Variants in FRAS1 observed in about 807,000 individuals in gnomAD.
FRAS1 encodes extracellular matrix organizing protein FRAS1.
In FRAS1, 290 loss-of-function variants were observed where a neutral mutation model predicts 435.2. The ratio of observed to expected loss-of-function variants is 0.67; its 90% CI spans 0.61 to 0.73. The LOEUF (loss-of-function observed/expected upper bound fraction) is 0.73. Ranked by LOEUF, FRAS1 falls within the 30% of genes least tolerant of loss-of-function variation. FRAS1 has a pLI of 0.00. For missense variants in FRAS1, 4,860 were observed against 5,001.5 expected (o/e 0.97, Z 0.85); for synonymous variants, 1,800 against 1,851.0 (o/e 0.97, Z 0.71).
chr4:78,082,615 A>T (rs1740947061), intron 2 of FRAS1, among the ~76,000 whole-genome samples: 1 of 152,042 alleles, frequency 6.6e-6, no homozygotes, highest in Non-Finnish European at 1.5e-5. Context: ...AGGAGACAGG[A>T]TTCAGCATCA....
At chr4:78,133,196 G>A (rs991629278) in intron 2 of FRAS1, among the ~76,000 whole-genome samples, 1 of 152,184 alleles carries the variant, frequency 6.6e-6, no homozygotes, top group African/African-American at 2.4e-5. Context: ...CCATAAGAAT[G>A]AGATTCGGTC....
Position 78,500,135 on chromosome 4 carries a change from T to C in FRAS1, c.9316+214T>C, listed in dbSNP as rs557391420. Among the ~76,000 whole-genome samples, 340 of 152,338 alleles carry C rather than the reference T, an allele frequency of 2.2e-3. 2 individuals are homozygous for C. Among genetic ancestry groups the C allele is most frequent in the African/African-American group, 7.9e-3 (327 of 41,584 alleles). ...GAAATAGGTCTCTTACTTTAGACCA[T>C]GCTGGGCATTTTGGTTCATTTAAAA... On this transcript the variant is annotated intron_variant, in intron 61 of 73. Transcript: ENST00000512123.
intron 1 of FRAS1, among the ~76,000 whole-genome samples, chr4:78,058,471 A>ACTT (rs907404448): frequency 1.3e-5 from 2 of 152,042 alleles, no homozygotes. Context: ...GTTTAAAAAT[A>ACTT]CTTCTGTTCC....
chr4:78,456,038 G>A (rs948945727), intron 47 of FRAS1, among the ~76,000 whole-genome samples: 18 of 151,926 alleles, frequency 1.2e-4, no homozygotes, highest in African/African-American at 4.4e-4. Context: ...GGCGAATGCA[G>A]CAGCTGTGGT....
In FRAS1 at chr4:78,481,866, T is replaced by A. The variant is rs760316842; in HGVS notation, c.8506T>A (p.Cys2836Ser). 1.2e-6 allele frequency: 2 copies of A among 1,613,944 alleles called. No individual in the cohort carries two copies. The highest frequency in any genetic ancestry group is 3.3e-5 in the Admixed American group (2 of 60,020). Residue 2836 changes from cysteine to serine, a missense_variant, in exon 57 of 74, where the codon TGT becomes AGT. Coordinates refer to ENST00000512123, the MANE Select transcript of FRAS1 (RefSeq NM_025074.7). Reference protein sequence around the residue: ...TDLSTFASVWCATRPSDPASA... With the variant: ...TDLSTFASVWSATRPSDPASA... ...CCTCTCTACTTTCGCATCTGTCTGG[T>A]GTGCAACGCGGCCCTCAGACCCAGC...
intron 2 of FRAS1, among the ~76,000 whole-genome samples, chr4:78,091,571 A>G (rs577560540): frequency 5.3e-4 from 81 of 152,122 alleles, no homozygotes; most frequent in African/African-American, 1.9e-3. Context: ...GATTTTCAAA[A>G]GGGCATTGCT....
intron 29 of FRAS1, among the ~76,000 whole-genome samples, chr4:78,390,483 A>G (rs1167669725): frequency 6.6e-6 from 1 of 152,210 alleles, no homozygotes; most frequent in East Asian, 1.9e-4. Flanking sequence ...TTTAACCATG[A>G]GACTCTTTTC....
intron 28 of FRAS1, among the ~76,000 whole-genome samples, chr4:78,386,611 T>C (rs1732226612): frequency 6.6e-6 from 1 of 152,146 alleles, no homozygotes; most frequent in Non-Finnish European, 1.5e-5. Context: ...CCACTTCAAA[T>C]GATATTTTTT....
At chr4:78,466,571 A>T in intron 50 of FRAS1, 136 bp downstream of exon 50, 1 of 650,206 alleles carries the variant, frequency 1.5e-6, no homozygotes. Flanking sequence ...GGCAAATTAC[A>T]TTTCTAAGCC....
At chr4:78,407,558 C>T (rs1467887309) in intron 30 of FRAS1, 105 bp from the exon 31 acceptor site, 26 of 832,018 alleles carry the variant, frequency 3.1e-5, no homozygotes, top group Non-Finnish European at 4.6e-5. Context: ...TAAAGAAGTA[C>T]ATCATTTCTT....
chr4:78,284,229 ATTTTTTTTTTT>A (rs11453256), intron 12 of FRAS1, among the ~76,000 whole-genome samples, 165 bp from the exon 13 acceptor site: 1 of 80,820 alleles, frequency 1.2e-5, no homozygotes, highest in Non-Finnish European at 2.4e-5. Context: ...ATTGGAATGT[ATTTTTTTTTTT>A]TTTTTTTTTT....
intron 59 of FRAS1, among the ~76,000 whole-genome samples, chr4:78,489,981 A>AAAAAG (rs1227752028): frequency 2.0e-5 from 3 of 150,924 alleles, no homozygotes; most frequent in African/African-American, 4.8e-5. Flanking sequence ...AAAAAAAAAA[A>AAAAAG]AAAAAAGAAA....
At chr4:78,396,266 C>G (rs1732658825) in intron 29 of FRAS1, among the ~76,000 whole-genome samples, 1 of 152,192 alleles carries the variant, frequency 6.6e-6, no homozygotes, top group Non-Finnish European at 1.5e-5. Context: ...TTAAAACTGA[C>G]TTACATATCA....
At chr4:78,138,743 A>C (rs990600681) in intron 2 of FRAS1, among the ~76,000 whole-genome samples, 1 of 152,198 alleles carries the variant, frequency 6.6e-6, no homozygotes, top group Non-Finnish European at 1.5e-5. Context: ...ACATGAATGC[A>C]TATGAGATAA....
In FRAS1 at chr4:78,192,331, G is replaced by C. The variant is rs545236049; in HGVS notation, c.109-45179G>C. On this transcript the variant is annotated intron_variant, in intron 2 of 73. Transcript: ENST00000512123. The stretch of plus-strand genomic sequence containing the variant: ...AGGGAGGATTCCCCCTTTTTCTATT[G>C]ATAGGAATAGTTTCAGAAGGAATGG... 4.6e-5 allele frequency among the ~76,000 whole-genome samples: 7 copies of C among 152,246 alleles called. No individual in the cohort carries two copies. In the East Asian group the frequency reaches 1.4e-3, roughly 29 times the overall value.
At chr4:78,104,009 G>A (rs1302490413) in intron 2 of FRAS1, among the ~76,000 whole-genome samples, 3 of 152,162 alleles carry the variant, frequency 2.0e-5, no homozygotes, top group East Asian at 1.9e-4. Context: ...AATGCAACAT[G>A]CACTTGTAAA....
At chr4:78,142,253 T>C (rs78022335) in intron 2 of FRAS1, among the ~76,000 whole-genome samples, 1,900 of 152,060 alleles carry the variant, frequency 0.012, 17 homozygotes, top group Non-Finnish European at 0.018. Context: ...ACTAGCCCCA[T>C]AAAGACTGAA....
At chr4:78,084,209 A>C (rs140287428) in intron 2 of FRAS1, among the ~76,000 whole-genome samples, 1 of 152,142 alleles carries the variant, frequency 6.6e-6, no homozygotes, top group African/African-American at 2.4e-5. Flanking sequence ...CCACATTCAC[A>C]TAACTTTTAT....
intron 2 of FRAS1, among the ~76,000 whole-genome samples, chr4:78,157,133 T>A (rs1309957939): frequency 2.6e-5 from 4 of 152,228 alleles, no homozygotes; most frequent in Non-Finnish European, 1.5e-5. Context: ...GCTGCATCCA[T>A]ACTGCTGCAA....
Sources: allele counts gnomAD v4.1 joint callset (sites outside exome capture counted in the v4.1 genomes callset), GRCh38; gene constraint gnomAD v4.1.1; transcripts MANE v1.5; gene names NCBI Gene and HGNC (gene_info 2026-07-23, HGNC 2026-07-21).